Variants in CFAP54 observed in about 807,000 individuals in gnomAD.
CFAP54 encodes the protein cilia and flagella associated protein 54.
A neutral mutation model predicts 370.4 loss-of-function variants in CFAP54; 290 were observed. That is an observed-to-expected ratio of 0.78 (90% CI 0.71 to 0.86). The LOEUF is 0.86. CFAP54 is among the 40% of genes least tolerant of loss of function. CFAP54 has a pLI of 0.00. For synonymous variants in CFAP54, 1,206 were observed against 1,236.5 expected, an observed-to-expected ratio of 0.98 and a Z score of 0.52; for missense variants, 3,399 against 3,528.7, an observed-to-expected ratio of 0.96 and a Z score of 0.93.
intron 66 of CFAP54, among the ~76,000 whole-genome samples, chr12:96,851,287 T>G (rs1355417319): frequency 6.6e-6 from 1 of 152,140 alleles, no homozygotes; most frequent in African/African-American, 2.4e-5. Flanking sequence ...GGTAGTGGCT[T>G]TTTAATTTTT....
At chr12:96,492,113 A>G (rs556601855) in intron 1 of CFAP54, among the ~76,000 whole-genome samples, 7 of 152,278 alleles carry the variant, frequency 4.6e-5, no homozygotes, top group Non-Finnish European at 7.4e-5. Flanking sequence ...CCCCATCTCC[A>G]CTACCAGCGT....
chr12:96,686,591 G>A (rs895151879), intron 42 of CFAP54, among the ~76,000 whole-genome samples: 3 of 152,192 alleles, frequency 2.0e-5, no homozygotes, highest in Admixed American at 6.5e-5. Context: ...GAATGGGAGC[G>A]AGAAAGAGTG....
At chr12:96,559,625 G>T (rs1955794721) in intron 17 of CFAP54, among the ~76,000 whole-genome samples, 1 of 151,940 alleles carries the variant, frequency 6.6e-6, no homozygotes, top group Non-Finnish European at 1.5e-5. Context: ...ATCTGTAGAT[G>T]TATATACCTA....
At chr12:96,802,638 TTTA>T (rs568512611) in intron 63 of CFAP54, among the ~76,000 whole-genome samples, 10 of 151,756 alleles carry the variant, frequency 6.6e-5, no homozygotes, top group Non-Finnish European at 1.0e-4. Context: ...TACTAACTTC[TTTA>T]TTATTATTAT....
At chr12:96,649,577 G>A (rs1956835458) in intron 34 of CFAP54, among the ~76,000 whole-genome samples, 1 of 152,160 alleles carries the variant, frequency 6.6e-6, no homozygotes, top group African/African-American at 2.4e-5. Flanking sequence ...AAGGACAGTA[G>A]TATTTTCTAT....
chr12:96,659,567 A>G (rs1178316951), intron 38 of CFAP54, among the ~76,000 whole-genome samples: 1 of 152,260 alleles, frequency 6.6e-6, no homozygotes, highest in Non-Finnish European at 1.5e-5. Flanking sequence ...ACGCAATTAT[A>G]AAATATCATT....
intron 67 of CFAP54, among the ~76,000 whole-genome samples, chr12:96,866,921 G>T (rs1960020338): frequency 6.6e-6 from 1 of 152,114 alleles, no homozygotes; most frequent in African/African-American, 2.4e-5. Flanking sequence ...TATTCCCTAA[G>T]TGTAACATAG....
intron 67 of CFAP54, among the ~76,000 whole-genome samples, chr12:96,871,328 G>A (rs1295980109): frequency 6.6e-6 from 1 of 152,124 alleles, no homozygotes; most frequent in Admixed American, 6.5e-5. Flanking sequence ...TAAAACCCTA[G>A]GAGGGAAATA....
intron 39 of CFAP54, among the ~76,000 whole-genome samples, chr12:96,677,585 G>C (rs1352138248): frequency 1.3e-5 from 2 of 152,112 alleles, no homozygotes; most frequent in Non-Finnish European, 2.9e-5. Context: ...TTAGCAGAGA[G>C]GGACACTAAG....
At chr12:96,785,292 G>A (rs927801813) in intron 61 of CFAP54, among the ~76,000 whole-genome samples, 1 of 151,984 alleles carries the variant, frequency 6.6e-6, no homozygotes. Flanking sequence ...ACTTCAGATG[G>A]CATATTAATT....
intron 65 of CFAP54, among the ~76,000 whole-genome samples, chr12:96,821,657 A>C (rs989759697): frequency 4.6e-5 from 7 of 151,334 alleles, no homozygotes; most frequent in Non-Finnish European, 8.8e-5. Context: ...AAATGAAATT[A>C]CATATAAATT....
chr12:96,852,265 G>T (rs922676602), intron 66 of CFAP54, among the ~76,000 whole-genome samples: 2 of 151,914 alleles, frequency 1.3e-5, no homozygotes, highest in Non-Finnish European at 2.9e-5. Flanking sequence ...GATAAATAGA[G>T]TTAGAGAGGA....
At chr12:96,738,941 T>C (rs1958016469) in intron 50 of CFAP54, among the ~76,000 whole-genome samples, 1 of 152,174 alleles carries the variant, frequency 6.6e-6, no homozygotes, top group Admixed American at 6.5e-5. Context: ...ACAACAGTCA[T>C]ATTGGATTAC....
chr12:96,523,333 G>T (rs572988732), intron 8 of CFAP54, among the ~76,000 whole-genome samples: 1 of 152,174 alleles, frequency 6.6e-6, no homozygotes. Context: ...ACCAGAACCA[G>T]CATCTCTAAG....
chr12:96,700,047 T>C lies in CFAP54; in HGVS notation c.6428T>C (p.Met2143Thr), dbSNP rs1174341080. Reference protein sequence around the residue: ...EISQIFYGKNMPCPIPAGYKA... With the variant: ...EISQIFYGKNTPCPIPAGYKA... Reference sequence around the variant, plus strand: ...TCCCAAATTTTCTATGGAAAAAACATGCCTTGTCCAATACCTGCAGGCTAT... The same window carrying C: ...TCCCAAATTTTCTATGGAAAAAACACGCCTTGTCCAATACCTGCAGGCTAT... Residue 2143 changes from methionine to threonine, a missense_variant, in exon 46 of 68, where the codon ATG (methionine) becomes ACG (threonine). This residue lies in a region of CFAP54 where 2,796 missense variants were observed against 2,869.7 expected (regional missense o/e 0.97). Transcript: ENST00000524981. The C allele has an allele frequency of 6.2e-7, 1 of 1,610,084 alleles. No individual in the cohort carries two copies. The highest frequency in any genetic ancestry group is 1.3e-5 in the African/African-American group (1 of 74,826).
At chr12:96,649,817 C>A in intron 34 of CFAP54, 74 bp from the exon 35 acceptor site, 1 of 936,038 alleles carries the variant, frequency 1.1e-6, no homozygotes, top group South Asian at 1.8e-5. Context: ...TCACTTGATC[C>A]TTATCACCTA....
chr12:96,763,734 G>A (rs1958364197), intron 58 of CFAP54, among the ~76,000 whole-genome samples: 1 of 152,136 alleles, frequency 6.6e-6, no homozygotes, highest in Admixed American at 6.5e-5. Context: ...AGCTGAGATT[G>A]TGTCATTGCA....
At chr12:96,870,310 A>T (rs1273407939) in intron 67 of CFAP54, among the ~76,000 whole-genome samples, 3 of 152,162 alleles carry the variant, frequency 2.0e-5, no homozygotes, top group African/African-American at 7.2e-5. Flanking sequence ...GAACTATAAA[A>T]GTTACTTAGT....
chr12:96,668,836 CT>C, intron 39 of CFAP54, among the ~76,000 whole-genome samples: 1 of 152,304 alleles, frequency 6.6e-6, no homozygotes, highest in East Asian at 1.9e-4. Context: ...ACTTATTCAT[CT>C]ATTCATTTTA....
Sources: allele counts gnomAD v4.1 joint callset (sites outside exome capture counted in the v4.1 genomes callset), GRCh38; gene constraint gnomAD v4.1.1; regional missense constraint gnomAD v4.1.1; transcripts MANE v1.5; gene names NCBI Gene and HGNC (gene_info 2026-07-23, HGNC 2026-07-21).